Variants in UGT1A7 observed in about 807,000 individuals in gnomAD.
The protein encoded by UGT1A7 is UDP-glucuronosyltransferase 1A7.
A neutral mutation model predicts 45.6 loss-of-function variants in UGT1A7; 33 were observed. The ratio of observed to expected loss-of-function variants is 0.72; its 90% CI spans 0.55 to 0.97. UGT1A7 has a LOEUF of 0.97. Ranked by LOEUF, UGT1A7 falls within the 50% of genes least tolerant of loss-of-function variation. The pLI is 0.00. For synonymous variants in UGT1A7, 274 were observed against 250.6 expected (o/e 1.09, Z -0.88); for missense variants, 684 against 666.2 (o/e 1.03, Z -0.29).
intron 1 of UGT1A7, chr2:233,761,188 C>A: frequency 6.2e-7 from 1 of 1,614,130 alleles, no homozygotes; most frequent in Non-Finnish European, 8.5e-7. Context: ...TGCGTATATT[C>A]TTTCAGATGT....
intron 1 of UGT1A7, among the ~76,000 whole-genome samples, chr2:233,746,724 T>G (rs1380174241): frequency 1.3e-5 from 2 of 151,818 alleles, no homozygotes; most frequent in Non-Finnish European, 2.9e-5. Flanking sequence ...GAATTAGCAA[T>G]GGATTCTGCT....
chr2:233,694,865 A>G (rs2075244245), intron 1 of UGT1A7, among the ~76,000 whole-genome samples: 1 of 152,230 alleles, frequency 6.6e-6, no homozygotes, highest in Non-Finnish European at 1.5e-5. Context: ...GACATAATAT[A>G]GTTGTACACA....
Position 233,769,206 on chromosome 2 carries a change from G to A in UGT1A7, c.1295+767G>A, listed in dbSNP as rs1699814631. 6.6e-6 allele frequency among the ~76,000 whole-genome samples: 1 copy of A among 152,206 alleles called. No homozygotes were observed. Among genetic ancestry groups the A allele is most frequent in the South Asian group, 2.1e-4 (1 of 4,832 alleles). On this transcript the variant is annotated intron_variant, in intron 4 of 4. Coordinates refer to ENST00000373426, the MANE Select transcript of UGT1A7 (RefSeq NM_019077.3). This position sits in a 1 kb window ranked among gnomAD's most constrained non-coding sequence, Gnocchi z 4.4. The stretch of plus-strand genomic sequence containing the variant: ...AATGAAGGAGCTATAAGATATCACA[G>A]ACAAAGTCTTAGAATAAGAGCAAAG...
At chr2:233,686,798 C>T (rs1158454360) in intron 1 of UGT1A7, among the ~76,000 whole-genome samples, 4 of 152,174 alleles carry the variant, frequency 2.6e-5, no homozygotes, top group Non-Finnish European at 1.5e-5. Context: ...TTCCACCTCC[C>T]CTGTTACTTT....
chr2:233,733,665 C>A (rs572113839), intron 1 of UGT1A7, among the ~76,000 whole-genome samples: 1 of 152,162 alleles, frequency 6.6e-6, no homozygotes, highest in Non-Finnish European at 1.5e-5. Context: ...CCGACTTGAT[C>A]GATGTGGATA....
intron 1 of UGT1A7, among the ~76,000 whole-genome samples, chr2:233,756,708 C>T (rs1399163610): frequency 6.6e-6 from 1 of 151,990 alleles, no homozygotes; most frequent in Admixed American, 6.6e-5. Flanking sequence ...TTTGGGGGGA[C>T]TTTTTTTGAG....
At chr2:233,767,675 CA>C (rs1699446425) in intron 2 of UGT1A7, among the ~76,000 whole-genome samples, 173 bp from the exon 3 acceptor site, 1 of 152,180 alleles carries the variant, frequency 6.6e-6, no homozygotes, top group Non-Finnish European at 1.5e-5. Flanking sequence ...ACTAAACCTC[CA>C]AAACAAGATG....
At chr2:233,720,900 G>A (rs2076906237) in intron 1 of UGT1A7, among the ~76,000 whole-genome samples, 1 of 144,530 alleles carries the variant, frequency 6.9e-6, no homozygotes, top group Non-Finnish European at 1.5e-5. Flanking sequence ...TAGTAGAGAT[G>A]AGGTTTCGCA....
Position 233,748,846 on chromosome 2 carries a change from G to A in UGT1A7, c.856-18188G>A, listed in dbSNP as rs117649476. ...CTAGGGAGGAGATAAAACTGTGAGC[G>A]TATAAGCCCAGTTAAGCTGGGGACG... On this transcript the variant is annotated intron_variant, in intron 1 of 4. Transcript: ENST00000373426. Among the ~76,000 whole-genome samples, 30 of 151,478 alleles carry A rather than the reference G, an allele frequency of 2.0e-4. 1 individual carries two copies. The East Asian group carries it at 5.4e-3, about 27-fold the overall frequency.
intron 1 of UGT1A7, among the ~76,000 whole-genome samples, chr2:233,706,587 G>A (rs916401740): frequency 6.6e-6 from 1 of 152,106 alleles, no homozygotes; most frequent in Non-Finnish European, 1.5e-5. Flanking sequence ...GAGATGGGAG[G>A]TGGACCTAAG....
At chr2:233,739,594 G>T (rs1253560976) in intron 1 of UGT1A7, among the ~76,000 whole-genome samples, 1 of 152,200 alleles carries the variant, frequency 6.6e-6, no homozygotes, top group East Asian at 1.9e-4. Flanking sequence ...GGGGCCTATA[G>T]CCCCTTTGTT....
At position 233,767,872 on chromosome 2, in the gene UGT1A7, C is replaced by G. The variant is rs997427896; in HGVS notation, c.1011C>G (p.Thr337=). The G allele has an allele frequency of 2.5e-6, 4 of 1,614,024 alleles. No homozygotes were observed. The highest frequency in any genetic ancestry group is 3.4e-6 in the Non-Finnish European group (4 of 1,180,044). ...PQTVLWRYTG[T]RPSNLANNTI... is the part of the protein sequence containing the mutation. The stretch of plus-strand genomic sequence containing the variant: ...AGGTCCTGTGGCGGTACACTGGAAC[C>G]CGACCATCGAATCTTGCGAACAACA... Residue 337 remains threonine (T), a synonymous_variant, in exon 3 of 5, where the codon ACC becomes ACG. Coordinates refer to ENST00000373426, the MANE Select transcript of UGT1A7 (RefSeq NM_019077.3).
At chr2:233,765,421 C>T (rs1411731251) in intron 1 of UGT1A7, among the ~76,000 whole-genome samples, 1 of 152,188 alleles carries the variant, frequency 6.6e-6, no homozygotes, top group Non-Finnish European at 1.5e-5. Context: ...GAATACTATG[C>T]AGCCATAACA....
chr2:233,693,216 A>G, intron 1 of UGT1A7: 1 of 1,614,196 alleles, frequency 6.2e-7, no homozygotes. Context: ...AAAGAATCCA[A>G]ATACTACACA....
chr2:233,695,075 C>T (rs888068416), intron 1 of UGT1A7, among the ~76,000 whole-genome samples: 1 of 151,850 alleles, frequency 6.6e-6, no homozygotes, highest in Non-Finnish European at 1.5e-5. Flanking sequence ...GCACTTTGGA[C>T]TTACTCATTC....
chr2:233,708,329 G>A (rs537041320), intron 1 of UGT1A7: 6 of 152,052 alleles, frequency 3.9e-5, no homozygotes, highest in African/African-American at 1.4e-4. Context: ...AATATCTCAA[G>A]GTTATTTGAA....
intron 1 of UGT1A7, among the ~76,000 whole-genome samples, chr2:233,748,824 G>A (rs1694036500): frequency 6.6e-6 from 1 of 151,412 alleles, no homozygotes. Context: ...GAAGGGTCTA[G>A]GGAGGAGATA....
chr2:233,719,808 A>G (rs2125672153), intron 1 of UGT1A7: 1 of 1,592,844 alleles, frequency 6.3e-7, no homozygotes, highest in Non-Finnish European at 8.5e-7. Context: ...TGGCTTCTTT[A>G]TAACAGATAA....
At chr2:233,754,752 G>A in intron 1 of UGT1A7, 4 of 831,436 alleles carry the variant, frequency 4.8e-6, no homozygotes, top group Non-Finnish European at 7.2e-6. Context: ...GCAGAAGGAA[G>A]AAAGGCCCCC....
Sources: allele counts gnomAD v4.1 joint callset (sites outside exome capture counted in the v4.1 genomes callset), GRCh38; gene constraint gnomAD v4.1.1; non-coding constraint Gnocchi (gnomAD v3.1); transcripts MANE v1.5; gene names NCBI Gene and HGNC (gene_info 2026-07-23, HGNC 2026-07-21).